CCDC158: variants seen among roughly 807,000 people sequenced by gnomAD.
CCDC158 encodes coiled-coil domain containing 158, also known as coiled-coil domain-containing protein 158.
Under a neutral mutation model 138.6 loss-of-function variants are expected in CCDC158, and 116 were observed. The ratio of observed to expected loss-of-function variants is 0.84; its 90% CI spans 0.72 to 0.98. CCDC158 has a LOEUF of 0.98. Among genes scored for constraint, CCDC158 ranks in the 50% least tolerant of loss-of-function variants. The pLI, the probability that CCDC158 is intolerant of heterozygous loss-of-function variation, is 0.00. For missense variants in CCDC158, 1,265 were observed against 1,306.1 expected (o/e 0.97, Z 0.48); for synonymous variants, 436 against 442.4 (o/e 0.99, Z 0.18).
intron 19 of CCDC158, 107 bp from the exon 20 acceptor site, chr4:76,332,598 C>G (rs1721103514): frequency 1.2e-6 from 1 of 855,322 alleles, no homozygotes; most frequent in Non-Finnish European, 1.7e-6. Context: ...CTTTTAGTGA[C>G]AGCTGTAGAT....
chr4:76,371,863 G>T (rs1056138019), intron 9 of CCDC158, among the ~76,000 whole-genome samples: 2 of 151,590 alleles, frequency 1.3e-5, no homozygotes, highest in Middle Eastern at 3.2e-3. Flanking sequence ...GCTTGGACCC[G>T]GGAGGCAGAG....
At chr4:76,349,580 G>T (rs151309993) in intron 18 of CCDC158, among the ~76,000 whole-genome samples, 2 of 152,254 alleles carry the variant, frequency 1.3e-5, no homozygotes, top group East Asian at 3.9e-4. Context: ...AAGGTAGGAG[G>T]ATTGCTTGAT....
rs1182589532 is a variant in CCDC158, at chr4:76,357,381, A to G, written c.2166T>C (p.Asp722=). The G allele has an allele frequency of 2.6e-6, 4 of 1,550,008 alleles. No individual in the cohort carries two copies. The highest frequency in any genetic ancestry group is 3.5e-6 in the Non-Finnish European group (4 of 1,153,282). Residue 722 remains aspartate, a synonymous_variant, in exon 14 of 25, where the codon GAT becomes GAC. Transcript: ENST00000682701. ...AAATCTAACAGAGCATACCATGACC[A>G]TCAGATCCTTCCATTGACTTTAATG... ...RNTLKSMEGS[D]GHAMKVAMGM...
intron 24 of CCDC158, among the ~76,000 whole-genome samples, chr4:76,317,400 G>A (rs1356317522): frequency 3.9e-5 from 6 of 152,064 alleles, no homozygotes; most frequent in Non-Finnish European, 7.4e-5. Context: ...ATATTATATA[G>A]TGATAAAGGA....
At chr4:76,411,781 T>C (rs576189130) in intron 2 of CCDC158, among the ~76,000 whole-genome samples, 1 of 152,322 alleles carries the variant, frequency 6.6e-6, no homozygotes, top group African/African-American at 2.4e-5. Context: ...GTTGTGTTTT[T>C]CAAACCCTTC....
chr4:76,400,661 T>A (rs1728288978), intron 3 of CCDC158, among the ~76,000 whole-genome samples: 2 of 148,120 alleles, frequency 1.4e-5, no homozygotes, highest in Non-Finnish European at 3.0e-5. Context: ...ACTGGAAAGA[T>A]ATCTGGCTAA....
At chr4:76,319,493 TATATATATATATATATGTC>T (rs1243037960) in intron 24 of CCDC158, among the ~76,000 whole-genome samples, 1 of 96,202 alleles carries the variant, frequency 1.0e-5, no homozygotes, top group Non-Finnish European at 2.0e-5. Flanking sequence ...TATATATATA[TATATATATATATATATGTC>T]CATGATGAAC....
At chr4:76,323,534 T>A in intron 23 of CCDC158, 125 bp from the exon 24 acceptor site, 1 of 649,184 alleles carries the variant, frequency 1.5e-6, no homozygotes, top group Non-Finnish European at 2.6e-6. Flanking sequence ...TGACAAATTC[T>A]AAAAGAGCTA....
chr4:76,336,009 A>G (rs1256080673), intron 18 of CCDC158, among the ~76,000 whole-genome samples: 10 of 151,468 alleles, frequency 6.6e-5, no homozygotes, highest in Admixed American at 6.6e-4. Context: ...GTGAAACCCC[A>G]TCTCTACTAA....
chr4:76,333,921 C>T (rs910926787), intron 19 of CCDC158, 89 bp downstream of exon 19: 2 of 929,724 alleles, frequency 2.2e-6, no homozygotes, highest in Non-Finnish European at 1.5e-6. Context: ...TCATTTAAAC[C>T]TCACCCTCCC....
intron 14 of CCDC158, 59 bp from the exon 15 acceptor site, chr4:76,355,495 AAT>A: frequency 9.3e-7 from 1 of 1,077,170 alleles, no homozygotes; most frequent in Non-Finnish European, 1.4e-6. Flanking sequence ...AGACTATGGT[AAT>A]TTGATGGTTA....
At chr4:76,420,071 T>A (rs1729989260) in intron 1 of CCDC158, among the ~76,000 whole-genome samples, 1 of 151,640 alleles carries the variant, frequency 6.6e-6, no homozygotes. Flanking sequence ...ATGGAAACCA[T>A]TTCACCCACA....
At chr4:76,374,742 A>C (rs1405348335) in intron 9 of CCDC158, among the ~76,000 whole-genome samples, 2 of 152,210 alleles carry the variant, frequency 1.3e-5, no homozygotes, top group African/African-American at 2.4e-5. Flanking sequence ...TTGAGCAAAG[A>C]AAATAATTTG....
At chr4:76,362,552 TTTAACC>T (rs1269504283) in intron 12 of CCDC158, among the ~76,000 whole-genome samples, 1 of 152,234 alleles carries the variant, frequency 6.6e-6, no homozygotes, top group Non-Finnish European at 1.5e-5. Flanking sequence ...TTCACTTTCT[TTTAACC>T]TTAGATGTCA....
chr4:76,358,465 A>C (rs932562136), intron 13 of CCDC158, among the ~76,000 whole-genome samples: 1 of 152,032 alleles, frequency 6.6e-6, no homozygotes, highest in Admixed American at 6.6e-5. Context: ...CTCCTACTTA[A>C]TATCTTTTGT....
rs1322969919 is a variant in CCDC158 at position 76,334,050 on chromosome 4, CCT to C, written c.2780_2781del (p.Glu927GlyfsTer17). 1.2e-6 allele frequency: 2 copies of C among 1,613,604 alleles called. No individual in the cohort carries two copies. The highest frequency in any genetic ancestry group is 1.7e-5 in the Admixed American group (1 of 59,984). ...EEPAVSLSKTEEDGRTSLGAL... is the reference protein window; with the variant it reads ...EEPAVSLSKTXEDGRTSLGAL... ...GCTCCCAGAGATGTTCTTCCATCTT[CCT>C]CTGTCTTGCTCAGAGACACAGCTGG... On this transcript the variant is annotated frameshift_variant, in exon 19 of 25. Transcript: ENST00000682701. LOFTEE classifies it high-confidence loss of function.
rs949235173 is a variant in CCDC158, at chr4:76,351,049, G to C, written c.2611C>G (p.Arg871Gly). 6.2e-7 allele frequency: 1 copy of C among 1,613,912 alleles called. No individual in the cohort carries two copies. Among genetic ancestry groups the C allele is most frequent in the South Asian group, 1.1e-5 (1 of 91,080 alleles). ...PRLLQPASVT[R>G]SHSNVPSSQS... Reference sequence around the variant, plus strand: ...GAAGATGGTACATTAGAATGAGAACGAGTAACAGATGCTGGCTGGAGAAGG... The same window carrying C: ...GAAGATGGTACATTAGAATGAGAACCAGTAACAGATGCTGGCTGGAGAAGG... Residue 871 changes from arginine (R) to glycine (G), a missense_variant, in exon 18 of 25, where the codon CGT (arginine) becomes GGT (glycine). Arg to Gly is a moderately radical substitution (Grantham distance 125, BLOSUM62 -2). Coordinates refer to ENST00000682701, the MANE Select transcript of CCDC158 (RefSeq NM_001394954.1).
chr4:76,315,043 A>G (rs1034641211), intron 24 of CCDC158, among the ~76,000 whole-genome samples: 6 of 152,142 alleles, frequency 3.9e-5, no homozygotes, highest in Admixed American at 6.5e-5. Flanking sequence ...CGCCACCCCC[A>G]ACCACCACCC....
intron 9 of CCDC158, among the ~76,000 whole-genome samples, chr4:76,371,893 G>A (rs549305774): frequency 1.3e-5 from 2 of 148,834 alleles, no homozygotes; most frequent in Non-Finnish European, 3.0e-5. Context: ...AGTCAAGATC[G>A]TGCCATTGCA....
Sources: gnomAD v4.1 joint callset for allele counts (sites outside exome capture counted in the v4.1 genomes callset) on GRCh38, gnomAD v4.1.1 for gene constraint, MANE v1.5 for transcripts, NCBI Gene and HGNC (gene_info 2026-07-23, HGNC 2026-07-21) for gene names.